Variants in IMMP2L observed in about 807,000 individuals in gnomAD.
IMMP2L encodes the protein inner mitochondrial membrane peptidase subunit 2, also known as mitochondrial inner membrane protease subunit 2.
In IMMP2L, 18 loss-of-function variants were observed where a neutral mutation model predicts 19.3. The observed-to-expected ratio is 0.93, with a 90% confidence interval of 0.64 to 1.38. The LOEUF (loss-of-function observed/expected upper bound fraction) is 1.38, where lower values mean the gene tolerates loss of function less well. Among genes scored for constraint, IMMP2L ranks in the 40% most tolerant of loss-of-function variants. The pLI, the probability that IMMP2L is intolerant of heterozygous loss-of-function variation, is 0.00. For missense variants in IMMP2L, 233 were observed against 218.2 expected (o/e 1.07, Z -0.43); for synonymous variants, 76 against 73.0 (o/e 1.04, Z -0.21).
At chr7:111,075,354 C>A (rs1357674739) in intron 3 of IMMP2L, among the ~76,000 whole-genome samples, 1 of 152,072 alleles carries the variant, frequency 6.6e-6, no homozygotes, top group Non-Finnish European at 1.5e-5. Context: ...TCTCGAACTC[C>A]TGAACTCAAC....
intron 3 of IMMP2L, among the ~76,000 whole-genome samples, chr7:110,999,303 TC>T (rs1823379503): frequency 7.1e-6 from 1 of 140,328 alleles, no homozygotes; most frequent in Non-Finnish European, 1.5e-5. Flanking sequence ...TAATTTGTTT[TC>T]TTTTTTTTTT....
rs1823007116 is a variant in IMMP2L, at chr7:111,307,489, C to T, written c.239+179749G>A. Among the ~76,000 whole-genome samples, 3 of 151,618 alleles carry T rather than the reference C, an allele frequency of 2.0e-5. No homozygotes were observed. In the South Asian group the frequency reaches 6.2e-4, roughly 32 times the overall value. On this transcript the variant is annotated intron_variant, in intron 3 of 5. Coordinates refer to ENST00000405709, the MANE Select transcript of IMMP2L (RefSeq NM_032549.4). ...AGGCAAAAACTATGATTATCTACCT[C>T]GCAGTAGGTAAAAATATAGAAGGTT... is the stretch of plus-strand genomic sequence containing the variant.
intron 3 of IMMP2L, among the ~76,000 whole-genome samples, chr7:111,382,858 G>T (rs1831338803): frequency 6.6e-6 from 1 of 152,022 alleles, no homozygotes; most frequent in South Asian, 2.1e-4. Flanking sequence ...TATTACTCAG[G>T]TTATACAGTA....
intron 3 of IMMP2L, among the ~76,000 whole-genome samples, chr7:111,272,359 T>C (rs181180110): frequency 8.9e-4 from 135 of 152,322 alleles, no homozygotes; most frequent in African/African-American, 3.2e-3. Flanking sequence ...TTAAATGGCA[T>C]GTCTAATACA....
At chr7:111,172,115 T>G (rs1806512132) in intron 3 of IMMP2L, among the ~76,000 whole-genome samples, 1 of 151,494 alleles carries the variant, frequency 6.6e-6, no homozygotes, top group Non-Finnish European at 1.5e-5. Context: ...GACTACATTG[T>G]GAAGATAAAT....
At chr7:111,411,458 C>A in intron 3 of IMMP2L, 1 of 501,346 alleles carries the variant, frequency 2.0e-6, no homozygotes, top group East Asian at 5.6e-5. Context: ...CTTCGTGTAC[C>A]TGAACGAAGT....
At chr7:111,540,017 C>T (rs1411717928) in intron 1 of IMMP2L, among the ~76,000 whole-genome samples, 1 of 152,020 alleles carries the variant, frequency 6.6e-6, no homozygotes. Flanking sequence ...TGATTCATAA[C>T]AGAACACCAA....
chr7:110,682,652 T>C (rs1792809811), intron 5 of IMMP2L, among the ~76,000 whole-genome samples: 1 of 152,084 alleles, frequency 6.6e-6, no homozygotes, highest in Non-Finnish European at 1.5e-5. Flanking sequence ...GGAGCAGATA[T>C]GGGAAATGAT....
At chr7:111,331,141 G>A (rs1220432554) in intron 3 of IMMP2L, among the ~76,000 whole-genome samples, 1 of 151,860 alleles carries the variant, frequency 6.6e-6, no homozygotes, top group African/African-American at 2.4e-5. Context: ...GTTTATTGCA[G>A]CACTATTCAC....
At chr7:111,039,648 GT>G (rs909981106) in intron 3 of IMMP2L, among the ~76,000 whole-genome samples, 1 of 152,058 alleles carries the variant, frequency 6.6e-6, no homozygotes, top group African/African-American at 2.4e-5. Context: ...CATGGTAGTG[GT>G]TTTTTTAAAA....
chr7:111,455,178 A>C (rs1839572578), intron 3 of IMMP2L, among the ~76,000 whole-genome samples: 1 of 151,798 alleles, frequency 6.6e-6, no homozygotes, highest in Non-Finnish European at 1.5e-5. Flanking sequence ...TGTCCAGTGA[A>C]ATGAAATGGA....
chr7:110,893,308 T>C (rs1001138076), intron 4 of IMMP2L, among the ~76,000 whole-genome samples: 4 of 152,148 alleles, frequency 2.6e-5, no homozygotes, highest in African/African-American at 4.8e-5. Flanking sequence ...CTTACATTTA[T>C]AAAAAATTTA....
chr7:111,334,814 G>A (rs899585250), intron 3 of IMMP2L, among the ~76,000 whole-genome samples: 2 of 151,974 alleles, frequency 1.3e-5, no homozygotes, highest in Admixed American at 6.6e-5. Flanking sequence ...ACCTTCACTT[G>A]TATTTCTTCC....
intron 3 of IMMP2L, among the ~76,000 whole-genome samples, chr7:111,257,199 G>A (rs1816803995): frequency 6.6e-6 from 1 of 152,024 alleles, no homozygotes; most frequent in Non-Finnish European, 1.5e-5. Context: ...CCAACTGACA[G>A]CTGTCATACT....
intron 3 of IMMP2L, among the ~76,000 whole-genome samples, chr7:111,149,832 G>A (rs1292470204): frequency 6.6e-6 from 1 of 152,040 alleles, no homozygotes; most frequent in Non-Finnish European, 1.5e-5. Context: ...ATATGAAAAA[G>A]TGGGAGAATC....
chr7:110,965,858 G>T (rs2129555883), intron 3 of IMMP2L, among the ~76,000 whole-genome samples: 1 of 151,984 alleles, frequency 6.6e-6, no homozygotes, highest in Non-Finnish European at 1.5e-5. Context: ...TATATAAACT[G>T]TTTGGTCATG....
At chr7:111,201,279 C>CAAAA (rs564280464) in intron 3 of IMMP2L, among the ~76,000 whole-genome samples, 1 of 134,302 alleles carries the variant, frequency 7.4e-6, no homozygotes. Flanking sequence ...GTATCAAATC[C>CAAAA]AAAAAAAAAA....
At chr7:110,848,580 T>G (rs11505733) in intron 5 of IMMP2L, among the ~76,000 whole-genome samples, 8,121 of 152,174 alleles carry the variant, frequency 0.053, 699 homozygotes, top group African/African-American at 0.18. Flanking sequence ...AACTGAAAAC[T>G]TATGTGCACA....
intron 4 of IMMP2L, among the ~76,000 whole-genome samples, chr7:110,950,921 T>G (rs904725850): frequency 6.7e-6 from 1 of 148,534 alleles, no homozygotes; most frequent in Non-Finnish European, 1.5e-5. Flanking sequence ...TATATATATA[T>G]ATGAACTTCA....
Sources: allele counts gnomAD v4.1 joint callset (sites outside exome capture counted in the v4.1 genomes callset), GRCh38; gene constraint gnomAD v4.1.1; transcripts MANE v1.5; gene names NCBI Gene and HGNC (gene_info 2026-07-23, HGNC 2026-07-21).